The following LRRIQ1 variants were observed in gnomAD, a reference collection of about 807,000 sequenced individuals.
LRRIQ1 encodes leucine rich repeats and IQ motif containing 1.
Under a neutral mutation model 211.9 loss-of-function variants are expected in LRRIQ1, and 210 were observed. That is an observed-to-expected ratio of 0.99 (90% CI 0.89 to 1.11). The LOEUF (loss-of-function observed/expected upper bound fraction) is 1.11, where lower values mean the gene tolerates loss of function less well. Ranked by LOEUF, LRRIQ1 falls within the 50% of genes most tolerant of loss-of-function variation. The pLI, the probability that LRRIQ1 is intolerant of heterozygous loss-of-function variation, is 0.00. For missense variants in LRRIQ1, 2,136 were observed against 1,939.5 expected (o/e 1.10, Z -1.90); for synonymous variants, 699 against 650.1 (o/e 1.08, Z -1.14).
chr12:85,125,141 T>C (rs1888288186), intron 17 of LRRIQ1, among the ~76,000 whole-genome samples: 1 of 152,078 alleles, frequency 6.6e-6, no homozygotes, highest in South Asian at 2.1e-4. Flanking sequence ...ATCACGCCAC[T>C]GCACTCCAGC....
At chr12:85,202,912 G>A (rs1160107193) in intron 24 of LRRIQ1, among the ~76,000 whole-genome samples, 2 of 152,154 alleles carry the variant, frequency 1.3e-5, no homozygotes, top group Admixed American at 6.5e-5. Context: ...TTTTGTAGTG[G>A]CCAGTAATGG....
intron 24 of LRRIQ1, among the ~76,000 whole-genome samples, chr12:85,191,860 T>C (rs1052464504): frequency 2.0e-5 from 3 of 152,002 alleles, no homozygotes; most frequent in African/African-American, 7.2e-5. Flanking sequence ...TACAATTCCT[T>C]AATGACATAT....
Position 85,056,057 on chromosome 12 carries a change from A to C in LRRIQ1, c.1264A>C (p.Ile422Leu). 6.3e-7 allele frequency: 1 copy of C among 1,597,250 alleles called. No homozygotes were observed. The highest frequency in any genetic ancestry group is 8.5e-7 in the Non-Finnish European group (1 of 1,175,522). ...LEDISNDKGD[I>L]AKNLVDENSK... The stretch of plus-strand genomic sequence containing the variant: ...AGATATTTCAAATGATAAGGGTGAT[A>C]TAGCCAAAAATCTAGTGGATGAAAA... Residue 422 changes from isoleucine to leucine, a missense_variant, in exon 8 of 27, where the codon ATA becomes CTA. Coordinates refer to ENST00000393217, the MANE Select transcript of LRRIQ1 (RefSeq NM_001079910.2).
chr12:85,201,754 G>A (rs527647595), intron 24 of LRRIQ1, among the ~76,000 whole-genome samples: 9 of 151,948 alleles, frequency 5.9e-5, no homozygotes, highest in South Asian at 2.1e-4. Context: ...TTTATCAATC[G>A]TTTGTATGTT....
At chr12:85,041,176 T>C (rs1363816331) in intron 3 of LRRIQ1, among the ~76,000 whole-genome samples, 1 of 151,754 alleles carries the variant, frequency 6.6e-6, no homozygotes, top group Non-Finnish European at 1.5e-5. Flanking sequence ...ATTCATGATA[T>C]GTTAAAAGCT....
intron 23 of LRRIQ1, among the ~76,000 whole-genome samples, chr12:85,160,108 A>G (rs1242844269): frequency 6.6e-6 from 1 of 152,030 alleles, no homozygotes; most frequent in African/African-American, 2.4e-5. Context: ...TGGTATTTAC[A>G]ACATTAAAAA....
intron 15 of LRRIQ1, among the ~76,000 whole-genome samples, chr12:85,118,840 C>T (rs1463663225): frequency 6.6e-6 from 1 of 151,854 alleles, no homozygotes; most frequent in East Asian, 1.9e-4. Flanking sequence ...GGAATTGTTA[C>T]TTTCTTTTTT....
At chr12:85,154,124 CTG>C (rs1264459202) in intron 23 of LRRIQ1, 30 bp downstream of exon 23, 6 of 1,231,802 alleles carry the variant, frequency 4.9e-6, no homozygotes, top group African/African-American at 1.6e-5. Context: ...TGAATAATAA[CTG>C]TGTATGGAAA....
chr12:85,270,747 AC>A, the LRRIQ1 span, among the ~76,000 whole-genome samples: 1 of 152,136 alleles, frequency 6.6e-6, no homozygotes, highest in Non-Finnish European at 1.5e-5. Flanking sequence ...AGATACATTA[AC>A]TTTCTTTATA....
chr12:85,161,002 T>G (rs554761726), intron 24 of LRRIQ1, among the ~76,000 whole-genome samples: 41 of 152,218 alleles, frequency 2.7e-4, no homozygotes, highest in Admixed American at 2.0e-3. Context: ...GACATTAATG[T>G]TATTTAAATT....
In LRRIQ1 at chr12:85,171,454, A is replaced by C. The variant is rs180745100; in HGVS notation, c.4822+10740A>C. Among the ~76,000 whole-genome samples, 618 of 152,306 alleles carry C rather than the reference A, an allele frequency of 4.1e-3. 2 individuals carry two copies. Among genetic ancestry groups the C allele is most frequent in the African/African-American group, 0.014 (589 of 41,590 alleles). On this transcript the variant is annotated intron_variant, in intron 24 of 26. Coordinates refer to ENST00000393217, the MANE Select transcript of LRRIQ1 (RefSeq NM_001079910.2). ...TATACAATAAAAACCACATCTTGGC[A>C]TATCATCATAAAATTGCTAAAATCG...
In LRRIQ1 at chr12:85,228,306, GA is replaced by G. The variant is rs547369913; in HGVS notation, c.4823-1209del. On this transcript the variant is annotated intron_variant, in intron 24 of 26. Transcript: ENST00000393217. ...GGGGCTAATATCCAGAATCTACAAA[GA>G]ACTTTTGTATAATTATAAGGCTATT... 1.3e-3 allele frequency among the ~76,000 whole-genome samples: 203 copies of G among 152,210 alleles called. 1 individual carries two copies. The highest frequency in any genetic ancestry group is 4.6e-3 in the African/African-American group (193 of 41,546).
intron 17 of LRRIQ1, among the ~76,000 whole-genome samples, chr12:85,126,756 C>G (rs1382466921): frequency 6.6e-6 from 1 of 151,884 alleles, no homozygotes; most frequent in Non-Finnish European, 1.5e-5. Context: ...GATAGTAATA[C>G]CGATAATAAG....
At chr12:85,200,189 G>C (rs964050581) in intron 24 of LRRIQ1, among the ~76,000 whole-genome samples, 1 of 152,068 alleles carries the variant, frequency 6.6e-6, no homozygotes, top group Non-Finnish European at 1.5e-5. Flanking sequence ...TCACCTCCCT[G>C]TTTAGCTGTA....
chr12:85,042,604 C>CT (rs1879028298), intron 3 of LRRIQ1, among the ~76,000 whole-genome samples: 1 of 149,424 alleles, frequency 6.7e-6, no homozygotes, highest in East Asian at 2.0e-4. Context: ...ATTATGTATT[C>CT]ATTCTTATAT....
At position 85,056,586 on chromosome 12, in the gene LRRIQ1, T is replaced by C. The variant is rs770918785; in HGVS notation, c.1793T>C (p.Leu598Ser). Residue 598 changes from leucine (L) to serine (S), a missense_variant, in exon 8 of 27, where the codon TTA (leucine) becomes TCA (serine). Transcript: ENST00000393217. ...KEEIQEQNGL[L>S]YKDKDTLVIS... ...GAGATACAAGAACAGAATGGATTATTATATAAAGATAAGGATACTTTAGTT... is the reference window on the plus strand; with the variant it reads ...GAGATACAAGAACAGAATGGATTATCATATAAAGATAAGGATACTTTAGTT... The C allele has an allele frequency of 1.2e-5, 19 of 1,595,800 alleles. No individual in the cohort carries two copies. The highest frequency in any genetic ancestry group is 1.5e-5 in the Non-Finnish European group (17 of 1,171,688).
At chr12:85,250,957 A>T (rs185265416) in intron 1 of LRRIQ1, among the ~76,000 whole-genome samples, 4 of 93,178 alleles carry the variant, frequency 4.3e-5, no homozygotes, top group African/African-American at 1.4e-4. Context: ...TTTATATATT[A>T]TATATTATAT....
rs202087547 is a variant in LRRIQ1, at chr12:85,086,935, CATT to C, written c.2888-11396_2888-11394del. On this transcript the variant is annotated intron_variant, in intron 11 of 26. Coordinates refer to ENST00000393217, the MANE Select transcript of LRRIQ1 (RefSeq NM_001079910.2). Reference sequence around the variant, plus strand: ...AACGATTGAATCTCAGATTGTTCTTCATTATTATTATTATTATTATTATTATAC... The same window carrying C: ...AACGATTGAATCTCAGATTGTTCTTCATTATTATTATTATTATTATTATAC... Among the ~76,000 whole-genome samples, 1,410 of 149,146 alleles carry C rather than the reference CATT, an allele frequency of 9.5e-3. 12 individuals carry two copies. The highest frequency in any genetic ancestry group is 0.014 in the Non-Finnish European group (956 of 67,406).
chr12:85,192,016 A>G (rs1846999265), intron 24 of LRRIQ1, among the ~76,000 whole-genome samples: 1 of 151,720 alleles, frequency 6.6e-6, no homozygotes, highest in African/African-American at 2.4e-5. Context: ...TTTTACATTC[A>G]TGGGTATACA....
Sources: allele counts gnomAD v4.1 joint callset (sites outside exome capture counted in the v4.1 genomes callset), GRCh38; gene constraint gnomAD v4.1.1; transcripts MANE v1.5; gene names NCBI Gene and HGNC (gene_info 2026-07-23, HGNC 2026-07-21).